Variants in WDR31 observed in about 807,000 individuals in gnomAD.
WDR31 encodes the protein WD repeat domain 31.
A neutral mutation model predicts 47.3 loss-of-function variants in WDR31; 30 were observed. That is an observed-to-expected ratio of 0.63 (90% CI 0.47 to 0.86). The LOEUF is 0.86. Ranked by LOEUF, WDR31 falls within the 40% of genes least tolerant of loss-of-function variation. WDR31 has a pLI of 0.00. For missense variants in WDR31, 406 were observed against 442.9 expected (o/e 0.92, Z 0.75); for synonymous variants, 137 against 159.4 (o/e 0.86, Z 1.06).
intron 1 of WDR31, among the ~76,000 whole-genome samples, chr9:113,338,344 A>G (rs1156402383): frequency 6.6e-6 from 1 of 152,250 alleles, no homozygotes; most frequent in Non-Finnish European, 1.5e-5. Context: ...TAGCAAGGCA[A>G]TTAAAAAGTC....
In WDR31 at chr9:113,321,617, G is replaced by C. The variant is rs374365323; in HGVS notation, c.571-39C>G. 3.2e-6 allele frequency: 5 copies of C among 1,581,702 alleles called. No individual in the cohort carries two copies. The African/African-American group carries it at 6.7e-5, about 21-fold the overall frequency. On this transcript the variant is annotated intron_variant, in intron 7 of 10. Transcript: ENST00000374193. The stretch of plus-strand genomic sequence containing the variant: ...AATGTTCAGAACTTCTCCACACCAA[G>C]TCATTCCTCTGCTGTAATTCCTGTC...
At chr9:113,327,343 T>C (rs1347208537) in intron 5 of WDR31, among the ~76,000 whole-genome samples, 7 of 152,216 alleles carry the variant, frequency 4.6e-5, no homozygotes, top group Non-Finnish European at 1.0e-4. Context: ...TATTAATCTT[T>C]TCATCTTTGA....
intron 1 of WDR31, among the ~76,000 whole-genome samples, chr9:113,336,817 A>ACC (rs1442637090): frequency 1.3e-5 from 2 of 152,324 alleles, no homozygotes; most frequent in African/African-American, 4.8e-5. Context: ...CCATTTATTT[A>ACC]TTTCAAGATC....
chr9:113,318,651 A>G lies in WDR31; in HGVS notation c.781-14T>C. The G allele has an allele frequency of 6.2e-7, 1 of 1,613,758 alleles. No individual in the cohort carries two copies. Among genetic ancestry groups the G allele is most frequent in the Non-Finnish European group, 8.5e-7 (1 of 1,179,706 alleles). The stretch of plus-strand genomic sequence containing the variant: ...TAGGTCCCACAACTGCAAAGTAATG[A>G]CATGGACCAGCTCATAGTCACTTGT... On this transcript the variant is annotated splice_polypyrimidine_tract_variant and intron_variant, in intron 9 of 10. Transcript: ENST00000374193.
At chr9:113,338,059 AG>A (rs747080271) in intron 1 of WDR31, among the ~76,000 whole-genome samples, 5 of 152,210 alleles carry the variant, frequency 3.3e-5, no homozygotes, top group African/African-American at 7.2e-5. Context: ...TCTCTACAAA[AG>A]CTGGTGCATA....
chr9:113,328,159 G>A (rs904598519), intron 5 of WDR31, among the ~76,000 whole-genome samples: 3 of 152,202 alleles, frequency 2.0e-5, no homozygotes, highest in Admixed American at 2.0e-4. Context: ...TAAATAAAGG[G>A]CTGTTGGGAG....
chr9:113,319,458 A>G (rs940005576), intron 9 of WDR31, among the ~76,000 whole-genome samples: 3 of 152,184 alleles, frequency 2.0e-5, no homozygotes, highest in African/African-American at 7.2e-5. Flanking sequence ...TGAAATGGGA[A>G]TTATAATAGT....
chr9:113,336,001 T>C (rs758221247), intron 2 of WDR31, among the ~76,000 whole-genome samples: 6 of 152,232 alleles, frequency 3.9e-5, no homozygotes, highest in Non-Finnish European at 8.8e-5. Context: ...GGCCACAAGA[T>C]GTGCTGAGAG....
chr9:113,335,427 G>A (rs889877007), intron 2 of WDR31, among the ~76,000 whole-genome samples: 1 of 152,184 alleles, frequency 6.6e-6, no homozygotes, highest in Admixed American at 6.5e-5. Context: ...GGAGCACCCA[G>A]TCCCCATTTC....
chr9:113,329,903 C>G (rs895626265), intron 4 of WDR31, among the ~76,000 whole-genome samples: 2 of 151,958 alleles, frequency 1.3e-5, no homozygotes, highest in Non-Finnish European at 2.9e-5. Context: ...ATCGCTTGAA[C>G]CCAGGAGGCG....
At chr9:113,323,556 C>T (rs1276871185) in intron 5 of WDR31, among the ~76,000 whole-genome samples, 1 of 151,892 alleles carries the variant, frequency 6.6e-6, no homozygotes, top group Non-Finnish European at 1.5e-5. Flanking sequence ...GCCACTGTGC[C>T]CGGCCCCCAC....
chr9:113,318,339 C>T (rs1010390765), intron 10 of WDR31, 136 bp downstream of exon 10: 27 of 959,914 alleles, frequency 2.8e-5, no homozygotes, highest in Non-Finnish European at 2.7e-5. Context: ...ATCTTGACAT[C>T]ACCTCTTAAG....
intron 5 of WDR31, among the ~76,000 whole-genome samples, chr9:113,327,442 C>T (rs1021727866): frequency 2.0e-5 from 3 of 150,160 alleles, no homozygotes; most frequent in East Asian, 1.9e-4. Flanking sequence ...CACACACACA[C>T]GTGCACACAC....
intron 2 of WDR31, among the ~76,000 whole-genome samples, chr9:113,335,006 T>G (rs1044643393): frequency 6.6e-6 from 1 of 151,698 alleles, no homozygotes; most frequent in Non-Finnish European, 1.5e-5. Flanking sequence ...TTTTGAGGAG[T>G]GAAAAGAAGT....
At chr9:113,317,330 G>C (rs913242142) in intron 10 of WDR31, among the ~76,000 whole-genome samples, 1 of 152,154 alleles carries the variant, frequency 6.6e-6, no homozygotes, top group Admixed American at 6.5e-5. Flanking sequence ...CAGTCTTTGG[G>C]GGTTTCAGCT....
chr9:113,339,975 T>G (rs906655330), intron 1 of WDR31, among the ~76,000 whole-genome samples: 6 of 152,122 alleles, frequency 3.9e-5, no homozygotes, highest in Non-Finnish European at 8.8e-5. Flanking sequence ...GCTCAGGCAA[T>G]CCACCCGCCT....
intron 1 of WDR31, 66 bp downstream of exon 1, chr9:113,340,151 G>A (rs1336580423): frequency 6.6e-6 from 1 of 152,328 alleles, no homozygotes; most frequent in Non-Finnish European, 1.5e-5. Context: ...TCGACCAAAG[G>A]GCGAGGGTTG....
At chr9:113,332,426 C>T (rs10981734) in intron 2 of WDR31, among the ~76,000 whole-genome samples, 10,097 of 152,222 alleles carry the variant, frequency 0.066, 704 homozygotes, top group East Asian at 0.34. Context: ...GGAGAAACAT[C>T]ATGTGGTCAA....
intron 2 of WDR31, among the ~76,000 whole-genome samples, chr9:113,336,028 T>C (rs1480461068): frequency 1.3e-5 from 2 of 152,210 alleles, no homozygotes; most frequent in African/African-American, 4.8e-5. Context: ...TTCAGGATAG[T>C]TTTCAAAAAG....
Sources: allele counts gnomAD v4.1 joint callset (sites outside exome capture counted in the v4.1 genomes callset), GRCh38; gene constraint gnomAD v4.1.1; transcripts MANE v1.5; gene names NCBI Gene and HGNC (gene_info 2026-07-23, HGNC 2026-07-21).